The following ZBTB20 variants were observed in gnomAD, a reference collection of about 807,000 sequenced individuals.
ZBTB20 encodes the protein zinc finger and BTB domain containing 20, also known as zinc finger and BTB domain-containing protein 20.
A neutral mutation model predicts 56.9 loss-of-function variants in ZBTB20; 9 were observed. The observed-to-expected ratio is 0.16, with a 90% CI of 0.10 to 0.28. The LOEUF is 0.28. Ranked by LOEUF, ZBTB20 falls within the 10% of genes least tolerant of loss-of-function variation. The pLI is 1.00. For missense variants in ZBTB20, 655 were observed against 1,003.0 expected, an observed-to-expected ratio of 0.65 and a Z score of 4.69; for synonymous variants, 417 against 420.7, an observed-to-expected ratio of 0.99 and a Z score of 0.11.
intron 4 of ZBTB20, among the ~76,000 whole-genome samples, chr3:114,817,553 A>AAATC (rs1257065268): frequency 6.6e-6 from 1 of 151,112 alleles, no homozygotes; most frequent in Non-Finnish European, 1.5e-5. Flanking sequence ...ATAAATAAAT[A>AAATC]AATAAATAAA....
intron 2 of ZBTB20, among the ~76,000 whole-genome samples, chr3:115,042,991 T>C (rs941209686): frequency 6.6e-6 from 1 of 152,170 alleles, no homozygotes; most frequent in African/African-American, 2.4e-5. Flanking sequence ...AGGGAGAAAA[T>C]AGTTAACTGA....
intron 5 of ZBTB20, among the ~76,000 whole-genome samples, chr3:114,788,683 T>A (rs1273488334): frequency 6.6e-6 from 1 of 152,166 alleles, no homozygotes; most frequent in Non-Finnish European, 1.5e-5. Flanking sequence ...TCTTTAGGAA[T>A]ATAGGACATT....
intron 6 of ZBTB20, among the ~76,000 whole-genome samples, chr3:114,568,756 C>T (rs1443981819): frequency 6.6e-6 from 1 of 152,186 alleles, no homozygotes; most frequent in African/African-American, 2.4e-5. Context: ...GACCTGAATG[C>T]AAGCCTTCTC....
chr3:114,491,877 C>T (rs1043789315), intron 7 of ZBTB20, among the ~76,000 whole-genome samples: 1 of 152,122 alleles, frequency 6.6e-6, no homozygotes, highest in Non-Finnish European at 1.5e-5. Flanking sequence ...ATTACAAACA[C>T]GTTATTGTTT....
chr3:114,654,848 G>T (rs2108025558), intron 6 of ZBTB20, among the ~76,000 whole-genome samples: 1 of 152,204 alleles, frequency 6.6e-6, no homozygotes, highest in Non-Finnish European at 1.5e-5. Flanking sequence ...ACATGTTTAT[G>T]ACTTATGCAT....
At chr3:114,935,052 T>C (rs2076487447) in intron 3 of ZBTB20, among the ~76,000 whole-genome samples, 1 of 152,166 alleles carries the variant, frequency 6.6e-6, no homozygotes, top group African/African-American at 2.4e-5. Flanking sequence ...AAATGAACCA[T>C]CAACTTTAAG....
At chr3:114,686,226 A>C (rs191366787) in intron 6 of ZBTB20, among the ~76,000 whole-genome samples, 4 of 152,152 alleles carry the variant, frequency 2.6e-5, no homozygotes, top group Non-Finnish European at 2.9e-5. Context: ...GGTAACAGAA[A>C]CTCTGAGTGG....
At chr3:114,874,849 A>G (rs1282844269) in intron 4 of ZBTB20, among the ~76,000 whole-genome samples, 1 of 152,174 alleles carries the variant, frequency 6.6e-6, no homozygotes, top group East Asian at 1.9e-4. Context: ...GTCTAGCTAT[A>G]CAATACTCTG....
chr3:115,086,839 G>A (rs1044863112), intron 1 of ZBTB20, among the ~76,000 whole-genome samples: 7 of 151,764 alleles, frequency 4.6e-5, no homozygotes, highest in Non-Finnish European at 5.9e-5. Context: ...TCTGGTAACC[G>A]AGTAAAACTC....
intron 6 of ZBTB20, among the ~76,000 whole-genome samples, chr3:114,677,718 T>G (rs1301814257): frequency 1.3e-5 from 2 of 152,116 alleles, no homozygotes; most frequent in Non-Finnish European, 2.9e-5. Context: ...ACTGGAAATT[T>G]GAAAAATATA....
chr3:114,912,060 A>C (rs2075561567), intron 3 of ZBTB20, among the ~76,000 whole-genome samples: 1 of 151,548 alleles, frequency 6.6e-6, no homozygotes, highest in African/African-American at 2.4e-5. Context: ...CCAAAAGACA[A>C]TCAGTAGATT....
intron 7 of ZBTB20, among the ~76,000 whole-genome samples, chr3:114,484,798 A>AGTGTGTGTGTGT (rs146057079): frequency 4.6e-5 from 7 of 150,600 alleles, no homozygotes; most frequent in African/African-American, 9.7e-5. Flanking sequence ...ATATCAATAG[A>AGTGTGTGTGTGT]GTGTGTGTGT....
At chr3:114,925,672 G>A (rs1193721680) in intron 3 of ZBTB20, among the ~76,000 whole-genome samples, 7 of 151,772 alleles carry the variant, frequency 4.6e-5, no homozygotes, top group Non-Finnish European at 2.9e-5. Context: ...GACTACAGGC[G>A]CCCGCCACCA....
chr3:114,732,875 T>C (rs1409694330), intron 5 of ZBTB20, among the ~76,000 whole-genome samples: 1 of 152,094 alleles, frequency 6.6e-6, no homozygotes, highest in African/African-American at 2.4e-5. Flanking sequence ...CTAATTAATA[T>C]TTAAGAAGGG....
rs189906915 is a variant in ZBTB20 at position 114,917,610 on chromosome 3, G to A, written c.-455-17268C>T. Among the ~76,000 whole-genome samples, 4 of 152,274 alleles carry A rather than the reference G, an allele frequency of 2.6e-5. No individual in the cohort carries two copies. In the South Asian group the frequency reaches 8.3e-4, roughly 32 times the overall value. ...GCACTCCAGGGTCAGTTACACTGAGGCTCTTACAGACTCATAGAATTACCA... is the reference window on the plus strand; with the variant it reads ...GCACTCCAGGGTCAGTTACACTGAGACTCTTACAGACTCATAGAATTACCA... On this transcript the variant is annotated intron_variant, in intron 3 of 11. Transcript: ENST00000675478.
intron 3 of ZBTB20, among the ~76,000 whole-genome samples, chr3:114,969,508 C>A (rs1231800198): frequency 6.6e-6 from 1 of 152,096 alleles, no homozygotes; most frequent in Non-Finnish European, 1.5e-5. Context: ...TATACGTATA[C>A]TGGTAAAGTC....
At chr3:114,854,393 A>G (rs1019366996) in intron 4 of ZBTB20, among the ~76,000 whole-genome samples, 2 of 152,182 alleles carry the variant, frequency 1.3e-5, no homozygotes, top group Admixed American at 1.3e-4. Context: ...TGTTTAGCCA[A>G]GGTACTCACT....
intron 4 of ZBTB20, among the ~76,000 whole-genome samples, chr3:114,820,728 A>G (rs551129913): frequency 2.3e-4 from 35 of 152,186 alleles, no homozygotes; most frequent in Non-Finnish European, 4.7e-4. Context: ...AAGAACATCT[A>G]TTGAGATATT....
At chr3:114,853,179 G>C (rs542783623) in intron 4 of ZBTB20, among the ~76,000 whole-genome samples, 4 of 152,234 alleles carry the variant, frequency 2.6e-5, no homozygotes, top group Non-Finnish European at 5.9e-5. Flanking sequence ...CACCTCCTCT[G>C]TTATCATCTG....
Sources: gnomAD v4.1 joint callset for allele counts (sites outside exome capture counted in the v4.1 genomes callset) on GRCh38, gnomAD v4.1.1 for gene constraint, MANE v1.5 for transcripts, NCBI Gene and HGNC (gene_info 2026-07-23, HGNC 2026-07-21) for gene names.